PLEKHG1: variants seen among roughly 807,000 people sequenced by gnomAD.
PLEKHG1 encodes the protein pleckstrin homology domain-containing family G member 1.
PLEKHG1 carries 44 observed loss-of-function variants against 100.8 expected under a neutral mutation model. The ratio of observed to expected loss-of-function variants is 0.44; its 90% CI spans 0.34 to 0.56. PLEKHG1 has a LOEUF of 0.56. Among genes scored for constraint, PLEKHG1 ranks in the 20% least tolerant of loss-of-function variants. The pLI is 0.01. For missense variants in PLEKHG1, 1,545 were observed against 1,720.9 expected (o/e 0.90, Z 1.81); for synonymous variants, 640 against 662.5 (o/e 0.97, Z 0.52).
exon 16 of PLEKHG1, chr6:150,839,892 T>C (rs1777424131): frequency 1.2e-6 from 2 of 1,614,002 alleles, no homozygotes; most frequent in Non-Finnish European, 8.5e-7. Context: ...AGAGTCTCCC[T>C]TGAAAATTCA....
At chr6:150,798,875 G>A (rs572385313) in intron 5 of PLEKHG1, among the ~76,000 whole-genome samples, 3 of 152,214 alleles carry the variant, frequency 2.0e-5, no homozygotes, top group African/African-American at 7.2e-5. Context: ...CAAGTAGCTG[G>A]GATTACCGGC....
At chr6:150,768,678 T>C in exon 3 of PLEKHG1, 1 of 1,613,140 alleles carries the variant, frequency 6.2e-7, no homozygotes, top group Non-Finnish European at 8.5e-7. Flanking sequence ...AAACTTCCCC[T>C]GGGGACCGAA....
chr6:150,626,386 C>T (rs1242602219), intron 1 of PLEKHG1, among the ~76,000 whole-genome samples: 1 of 152,158 alleles, frequency 6.6e-6, no homozygotes, highest in East Asian at 1.9e-4. Flanking sequence ...AAGGAGAACT[C>T]GCCATGCTGA....
intron 2 of PLEKHG1, among the ~76,000 whole-genome samples, chr6:150,761,110 T>C (rs1458395864): frequency 3.5e-5 from 5 of 142,932 alleles, no homozygotes; most frequent in African/African-American, 1.0e-4. Flanking sequence ...TTTTTTTTTT[T>C]TTTTTTTTTT....
intron 3 of PLEKHG1, among the ~76,000 whole-genome samples, chr6:150,703,936 A>G (rs1780902833): frequency 6.6e-6 from 1 of 152,220 alleles, no homozygotes; most frequent in Non-Finnish European, 1.5e-5. Flanking sequence ...TTTATATATT[A>G]TTATCCCTGA....
intron 3 of PLEKHG1, among the ~76,000 whole-genome samples, chr6:150,709,210 G>A (rs1229323105): frequency 1.3e-5 from 2 of 152,116 alleles, no homozygotes; most frequent in African/African-American, 4.8e-5. Flanking sequence ...GTGGGAGCCT[G>A]TAGTTCCCAG....
intron 3 of PLEKHG1, among the ~76,000 whole-genome samples, chr6:150,658,461 T>G (rs1441262980): frequency 6.6e-6 from 1 of 152,242 alleles, no homozygotes; most frequent in Non-Finnish European, 1.5e-5. Flanking sequence ...GCATAGTCAT[T>G]CAAAGATAAA....
At chr6:150,758,706 A>G (rs1404074974) in intron 2 of PLEKHG1, among the ~76,000 whole-genome samples, 3 of 152,028 alleles carry the variant, frequency 2.0e-5, no homozygotes, top group Non-Finnish European at 4.4e-5. Context: ...TTTGATTTGC[A>G]TTTCTCTAAT....
chr6:150,763,274 A>G (rs1265123939), intron 2 of PLEKHG1, among the ~76,000 whole-genome samples: 1 of 151,758 alleles, frequency 6.6e-6, no homozygotes, highest in African/African-American at 2.4e-5. Flanking sequence ...CAGGTGATCC[A>G]CCTGCCTCAG....
rs147598847 is a variant in PLEKHG1, at chr6:150,800,803, G to A, written c.714G>A (p.Ser238=). ...AGCGTCAGGAAACTCTGAAACACTCGCTGCCTCTGGGGTCCTATCTCTTGA... is the reference window on the plus strand; with the variant it reads ...AGCGTCAGGAAACTCTGAAACACTCACTGCCTCTGGGGTCCTATCTCTTGA... Residue 238 remains serine (S), a synonymous_variant, in exon 6 of 16, where the codon TCG becomes TCA. Coordinates refer to ENST00000358517, the Ensembl canonical transcript of PLEKHG1. The A allele has an allele frequency of 1.1e-5, 18 of 1,613,576 alleles. No homozygotes were observed. In the African/African-American group the frequency reaches 1.6e-4, roughly 14 times the overall value.
Position 150,832,159 on chromosome 6 carries a change from C to T in PLEKHG1, c.3048C>T (p.Asp1016=), listed in dbSNP as rs757522503. The change falls in exon 15 of 16, where the codon GAC becomes GAT. Residue 1016 remains aspartate (D), a synonymous_variant. Transcript: ENST00000358517. ...AGCATCAGAAATCCATGCACAAAGA[C>T]CTGGCTGCCATCTTGGAAGAGAAGA... is the stretch of plus-strand genomic sequence containing the variant. The T allele has an allele frequency of 7.5e-6, 12 of 1,610,068 alleles. No individual in the cohort carries two copies. The African/African-American group carries it at 9.4e-5, about 13-fold the overall frequency.
intron 3 of PLEKHG1, among the ~76,000 whole-genome samples, chr6:150,654,959 G>T (rs909646277): frequency 1.3e-5 from 2 of 152,190 alleles, no homozygotes; most frequent in African/African-American, 4.8e-5. Context: ...TTCTTCCATT[G>T]CAAAACCTCC....
At chr6:150,754,970 G>A (rs1015600026) in intron 2 of PLEKHG1, among the ~76,000 whole-genome samples, 15 of 151,766 alleles carry the variant, frequency 9.9e-5, no homozygotes, top group Non-Finnish European at 1.8e-4. Context: ...GTGCCTGGCC[G>A]GCATCAGGAC....
chr6:150,818,251 C>T (rs754880516), intron 11 of PLEKHG1, 35 bp downstream of exon 12: 40 of 1,443,382 alleles, frequency 2.8e-5, no homozygotes, highest in Non-Finnish European at 3.9e-5. Flanking sequence ...TTTGAAATTT[C>T]ATTGTCTGTT....
At chr6:150,841,169 T>C in exon 16 of PLEKHG1, 2 of 567,416 alleles carry the variant, frequency 3.5e-6, no homozygotes, top group South Asian at 3.5e-5. Flanking sequence ...TTTTAGACTT[T>C]TAACACGATG....
chr6:150,812,071 G>A (rs1188704953), intron 10 of PLEKHG1, among the ~76,000 whole-genome samples: 1 of 152,136 alleles, frequency 6.6e-6, no homozygotes. Flanking sequence ...GCTGAGTCAG[G>A]GGTTGAAGGA....
intron 2 of PLEKHG1, among the ~76,000 whole-genome samples, chr6:150,765,210 G>A (rs77114480): frequency 0.042 from 6,323 of 152,174 alleles, 194 homozygotes; most frequent in African/African-American, 0.095. Context: ...TTATTTCTCA[G>A]GGCCAGGTGC....
intron 1 of PLEKHG1, among the ~76,000 whole-genome samples, chr6:150,732,828 C>T (rs1454403220): frequency 6.6e-6 from 1 of 152,204 alleles, no homozygotes; most frequent in Non-Finnish European, 1.5e-5. Context: ...CTCAAGTGAT[C>T]TGCCCACCCC....
Position 150,831,819 on chromosome 6 carries a change from T to C in PLEKHG1, c.2708T>C (p.Val903Ala), listed in dbSNP as rs1367550644. The C allele has an allele frequency of 6.2e-7, 1 of 1,612,256 alleles. No homozygotes were observed. Among genetic ancestry groups the C allele is most frequent in the South Asian group, 1.1e-5 (1 of 91,032 alleles). Residue 903 changes from valine (V) to alanine (A), a missense_variant, in exon 15 of 16, where the codon GTG becomes GCG. Physicochemically the swap from Val to Ala is moderately conservative, Grantham distance 64. Transcript: ENST00000358517. The surrounding 1 kb of genome is among the most constrained non-coding windows in gnomAD (Gnocchi z 4.1). ...GAGAGCCAGGCTCTCCTCACGCCCG[T>C]GAAGAGCAGGGCTGGCAGAGCCAGC...
Sources: allele counts gnomAD v4.1 joint callset (sites outside exome capture counted in the v4.1 genomes callset), GRCh38; gene constraint gnomAD v4.1.1; non-coding constraint Gnocchi (gnomAD v3.1); transcripts MANE v1.5; gene names NCBI Gene and HGNC (gene_info 2026-07-23, HGNC 2026-07-21).